The following TMEM132B variants were observed in gnomAD, a reference collection of about 807,000 sequenced individuals.
TMEM132B encodes transmembrane protein 132B.
TMEM132B carries 18 observed loss-of-function variants against 90.8 expected under a neutral mutation model. The observed-to-expected ratio is 0.20, with a 90% CI of 0.14 to 0.29. The LOEUF (loss-of-function observed/expected upper bound fraction) is 0.29, where lower values mean the gene tolerates loss of function less well. Ranked by LOEUF, TMEM132B falls within the 10% of genes least tolerant of loss-of-function variation. The pLI, the probability that TMEM132B is intolerant of heterozygous loss-of-function variation, is 1.00. For synonymous variants in TMEM132B, 504 were observed against 523.3 expected, an observed-to-expected ratio of 0.96 and a Z score of 0.50; for missense variants, 1,096 against 1,326.8, an observed-to-expected ratio of 0.83 and a Z score of 2.70.
At chr12:125,302,204 TA>T (rs994907306) in intron 1 of TMEM132B, among the ~76,000 whole-genome samples, 6 of 150,690 alleles carry the variant, frequency 4.0e-5, no homozygotes, top group African/African-American at 1.5e-4. Flanking sequence ...GTCTCAAAAA[TA>T]AATTAAAAAA....
At chr12:125,484,452 G>A (rs1334094343) in intron 3 of TMEM132B, among the ~76,000 whole-genome samples, 2 of 152,094 alleles carry the variant, frequency 1.3e-5, no homozygotes, top group African/African-American at 4.8e-5. Context: ...GGAGCTGACC[G>A]ATGGTCAGCC....
intron 3 of TMEM132B, among the ~76,000 whole-genome samples, chr12:125,444,151 G>A (rs1880944288): frequency 6.6e-6 from 1 of 152,100 alleles, no homozygotes; most frequent in South Asian, 2.1e-4. Flanking sequence ...ATATTGGCAC[G>A]ACATCTCACT....
At chr12:125,236,644 G>A (rs1873942731) in intron 1 of TMEM132B, among the ~76,000 whole-genome samples, 1 of 152,152 alleles carries the variant, frequency 6.6e-6, no homozygotes, top group Non-Finnish European at 1.5e-5. Context: ...CTGCCCCTGG[G>A]ACAGAGTCCT....
intron 3 of TMEM132B, among the ~76,000 whole-genome samples, chr12:125,494,241 C>T (rs1172372745): frequency 7.5e-5 from 9 of 119,784 alleles, no homozygotes; most frequent in African/African-American, 6.5e-5. Flanking sequence ...TGGAAATGGC[C>T]GTGTCCCTCT....
chr12:125,604,435 G>C (rs879547820), intron 5 of TMEM132B, among the ~76,000 whole-genome samples: 1 of 151,540 alleles, frequency 6.6e-6, no homozygotes, highest in Non-Finnish European at 1.5e-5. Flanking sequence ...AATACACACC[G>C]GGGCCAGTTG....
chr12:125,325,327 C>T (rs1242339696), intron 1 of TMEM132B, among the ~76,000 whole-genome samples: 2 of 152,124 alleles, frequency 1.3e-5, no homozygotes, highest in African/African-American at 4.8e-5. Context: ...GGAGCAGCAG[C>T]CTCAAACCAG....
chr12:125,642,098 A>G (rs1214447617), intron 5 of TMEM132B, among the ~76,000 whole-genome samples: 1 of 152,194 alleles, frequency 6.6e-6, no homozygotes, highest in Non-Finnish European at 1.5e-5. Flanking sequence ...CAGAGGTCTT[A>G]CTGAGCCTTC....
At chr12:125,262,608 G>A (rs1593060252) in intron 1 of TMEM132B, among the ~76,000 whole-genome samples, 2 of 152,174 alleles carry the variant, frequency 1.3e-5, no homozygotes, top group African/African-American at 4.8e-5. Flanking sequence ...GAGGCTGTCA[G>A]TTACCATTTA....
chr12:125,544,414 A>T (rs1884035564), intron 4 of TMEM132B, among the ~76,000 whole-genome samples: 1 of 152,192 alleles, frequency 6.6e-6, no homozygotes, highest in Non-Finnish European at 1.5e-5. Context: ...GTCCAGGGAG[A>T]TGAAAGAGGT....
intron 5 of TMEM132B, among the ~76,000 whole-genome samples, chr12:125,620,303 T>A (rs972461031): frequency 6.6e-6 from 1 of 152,242 alleles, no homozygotes; most frequent in Admixed American, 6.5e-5. Flanking sequence ...GAATTACAGA[T>A]ATATTCTTGC....
chr12:125,600,172 GC>G (rs1885537882), intron 5 of TMEM132B, among the ~76,000 whole-genome samples: 1 of 152,142 alleles, frequency 6.6e-6, no homozygotes, highest in Admixed American at 6.6e-5. Flanking sequence ...GGAGGAAAGA[GC>G]CCTTGAAGAA....
At chr12:125,532,258 A>T (rs1377732531) in intron 4 of TMEM132B, among the ~76,000 whole-genome samples, 1 of 152,224 alleles carries the variant, frequency 6.6e-6, no homozygotes, top group Non-Finnish European at 1.5e-5. Context: ...AGTCAGAGCA[A>T]CAAAGTAGTG....
chr12:125,544,404 G>A (rs551608671), intron 4 of TMEM132B, among the ~76,000 whole-genome samples: 9 of 152,230 alleles, frequency 5.9e-5, no homozygotes, highest in South Asian at 4.2e-4. Flanking sequence ...TAATCACTGC[G>A]TCCAGGGAGA....
chr12:125,542,107 C>T (rs773461689), intron 4 of TMEM132B, among the ~76,000 whole-genome samples: 7 of 149,782 alleles, frequency 4.7e-5, no homozygotes, highest in Non-Finnish European at 8.9e-5. Flanking sequence ...TGCAAAGCCA[C>T]TCTGGGAAGC....
At chr12:125,544,555 G>A (rs1470274985) in intron 4 of TMEM132B, among the ~76,000 whole-genome samples, 2 of 152,154 alleles carry the variant, frequency 1.3e-5, no homozygotes, top group East Asian at 3.8e-4. Context: ...TAATGAAGGT[G>A]CTGATATCAG....
chr12:125,584,774 G>A (rs1049251044), intron 5 of TMEM132B: 16 of 152,084 alleles, frequency 1.1e-4, no homozygotes, highest in Admixed American at 4.6e-4. Context: ...TAATATTTCT[G>A]CCTATTTTTT....
intron 5 of TMEM132B, chr12:125,588,174 C>A (rs1379216183): frequency 6.6e-6 from 1 of 152,230 alleles, no homozygotes; most frequent in Non-Finnish European, 1.5e-5. Context: ...CCTGACTCCA[C>A]CTTCCTCACC....
At chr12:125,312,041 A>G (rs1287444797) in intron 1 of TMEM132B, among the ~76,000 whole-genome samples, 1 of 152,216 alleles carries the variant, frequency 6.6e-6, no homozygotes, top group Admixed American at 6.5e-5. Flanking sequence ...CAAAGTGGAA[A>G]GCCTGTGCTC....
At chr12:125,556,529 G>T (rs1592991415) in intron 4 of TMEM132B, among the ~76,000 whole-genome samples, 1 of 152,144 alleles carries the variant, frequency 6.6e-6, no homozygotes, top group Non-Finnish European at 1.5e-5. Context: ...AAGAATATAA[G>T]AATTACCCCA....
Sources: gnomAD v4.1 joint callset for allele counts (sites outside exome capture counted in the v4.1 genomes callset) on GRCh38, gnomAD v4.1.1 for gene constraint, MANE v1.5 for transcripts, NCBI Gene and HGNC (gene_info 2026-07-23, HGNC 2026-07-21) for gene names.